Variants in PARD3B observed in about 807,000 individuals in gnomAD.
The protein encoded by PARD3B is par-3 family cell polarity regulator beta.
Under a neutral mutation model 130.2 loss-of-function variants are expected in PARD3B, and 103 were observed. That is an observed-to-expected ratio of 0.79 (90% CI 0.67 to 0.93). The LOEUF is 0.93. PARD3B is among the 40% of genes least tolerant of loss of function. The probability of loss-of-function intolerance (pLI) is 0.00; values close to 1 mark genes in which losing one functional copy is unlikely to be tolerated. For missense variants in PARD3B, 1,609 were observed against 1,499.2 expected (o/e 1.07, Z -1.21); for synonymous variants, 583 against 553.2 (o/e 1.05, Z -0.76).
rs1696572821 is a variant in PARD3B at position 205,021,209 on chromosome 2, C to G, written c.395-26372C>G. 6.6e-6 allele frequency among the ~76,000 whole-genome samples: 1 copy of G among 152,110 alleles called. No homozygotes were observed. Reference sequence around the variant, plus strand: ...ACTGGAAAGGATGTCCTGAAAAGCACTATTTTATATAGTTTGGTAGAAATA... The same window carrying G: ...ACTGGAAAGGATGTCCTGAAAAGCAGTATTTTATATAGTTTGGTAGAAATA... On this transcript the variant is annotated intron_variant, in intron 3 of 22. Coordinates refer to ENST00000406610, the MANE Select transcript of PARD3B (RefSeq NM_001302769.2). The surrounding 1 kb of genome is among the most constrained non-coding windows in gnomAD (Gnocchi z 4.5).
intron 2 of PARD3B, among the ~76,000 whole-genome samples, chr2:204,840,897 G>A (rs1452082162): frequency 6.6e-6 from 1 of 152,114 alleles, no homozygotes; most frequent in Non-Finnish European, 1.5e-5. Context: ...TTTATTGTAT[G>A]TAAGTATAGG....
rs535573336 is a variant in PARD3B, at chr2:205,301,331, AC to A, written c.2393-132del. The A allele has an allele frequency of 3.3e-5, 47 of 1,443,068 alleles. No homozygotes were observed. The highest frequency in any genetic ancestry group is 4.3e-5 in the African/African-American group (3 of 70,042). The allele number at this position is 1,443,068 out of a possible 1,614,324, so 89.4% of individuals were successfully genotyped here. A position where few individuals can be genotyped will look rare whatever the true frequency, so the allele number is the denominator to read the frequency against. Reference sequence around the variant, plus strand: ...AGGCAGTCAGATCTTCAAAGGGCGCACGTAACCACATAGAAGGGTAGAACTA... The same window carrying A: ...AGGCAGTCAGATCTTCAAAGGGCGCAGTAACCACATAGAAGGGTAGAACTA... On this transcript the variant is annotated intron_variant, in intron 17 of 22. Transcript: ENST00000406610. This position sits in a 1 kb window ranked among gnomAD's most constrained non-coding sequence, Gnocchi z 5.2.
rs115015980 is a variant in PARD3B at position 205,423,653 on chromosome 2, C to T, written c.2742-16717C>T. ...GCAACCCTATTCACAATAGGGTTCA[C>T]GACATGGAATAATATTCACAACATG... is the stretch of plus-strand genomic sequence containing the variant. On this transcript the variant is annotated intron_variant, in intron 19 of 22. Coordinates refer to ENST00000406610, the MANE Select transcript of PARD3B (RefSeq NM_001302769.2). Among the ~76,000 whole-genome samples, 844 of 152,116 alleles carry T rather than the reference C, an allele frequency of 5.5e-3. 6 individuals carry two copies. Among genetic ancestry groups the T allele is most frequent in the Non-Finnish European group, 9.5e-3 (646 of 67,998 alleles).
At chr2:205,008,771 C>A in intron 3 of PARD3B, among the ~76,000 whole-genome samples, 1 of 152,160 alleles carries the variant, frequency 6.6e-6, no homozygotes, top group East Asian at 1.9e-4. Flanking sequence ...TAATATTCTA[C>A]ATACATTATT....
At chr2:205,328,334 G>A (rs1227479347) in intron 18 of PARD3B, among the ~76,000 whole-genome samples, 1 of 152,022 alleles carries the variant, frequency 6.6e-6, no homozygotes, top group Non-Finnish European at 1.5e-5. Context: ...TAATGTTATG[G>A]TAATAACTGC....
At chr2:205,173,256 TAA>T (rs2035278592) in intron 12 of PARD3B, among the ~76,000 whole-genome samples, 1 of 152,204 alleles carries the variant, frequency 6.6e-6, no homozygotes, top group Non-Finnish European at 1.5e-5. Context: ...GAGTTCAGCG[TAA>T]TAATTGAAAA....
chr2:204,932,084 T>G (rs1688077112), intron 2 of PARD3B, among the ~76,000 whole-genome samples: 2 of 152,076 alleles, frequency 1.3e-5, no homozygotes, highest in Admixed American at 6.6e-5. Flanking sequence ...AGCTACACAT[T>G]TGGTATTATC....
At chr2:204,642,295 A>T (rs563427530) in intron 1 of PARD3B, among the ~76,000 whole-genome samples, 1 of 152,214 alleles carries the variant, frequency 6.6e-6, no homozygotes, top group Non-Finnish European at 1.5e-5. Context: ...AAGCTGTGTC[A>T]CTAGAGTATC....
chr2:205,134,383 G>T (rs977799358), intron 10 of PARD3B, among the ~76,000 whole-genome samples: 5 of 150,160 alleles, frequency 3.3e-5, no homozygotes, highest in Non-Finnish European at 1.5e-5. Flanking sequence ...AATTAGCCAG[G>T]CATGGTGGCA....
chr2:204,877,273 G>A (rs2125660506), intron 2 of PARD3B, among the ~76,000 whole-genome samples: 1 of 152,250 alleles, frequency 6.6e-6, no homozygotes, highest in South Asian at 2.1e-4. Flanking sequence ...GTGAGGGATA[G>A]CATTAGGAGA....
chr2:205,218,760 G>C (rs1353574402), intron 15 of PARD3B, among the ~76,000 whole-genome samples: 10 of 151,984 alleles, frequency 6.6e-5, no homozygotes, highest in Non-Finnish European at 1.5e-5. Context: ...AGAAATCTCT[G>C]GTCTTAGGAA....
intron 1 of PARD3B, among the ~76,000 whole-genome samples, chr2:204,562,240 C>A (rs1471289795): frequency 1.3e-5 from 2 of 152,118 alleles, no homozygotes; most frequent in South Asian, 2.1e-4. Flanking sequence ...AGTAAAAAAA[C>A]CACTGGAGCT....
chr2:204,567,162 G>A (rs1279902815), intron 1 of PARD3B, among the ~76,000 whole-genome samples: 2 of 152,184 alleles, frequency 1.3e-5, no homozygotes, highest in Non-Finnish European at 2.9e-5. Flanking sequence ...TTACAGGCTT[G>A]AGCCACTGTG....
chr2:204,695,478 C>G (rs1000687420), intron 2 of PARD3B, among the ~76,000 whole-genome samples: 2 of 151,926 alleles, frequency 1.3e-5, no homozygotes, highest in African/African-American at 4.8e-5. Flanking sequence ...TTCACTAAAG[C>G]AGTATTGTAG....
chr2:205,203,926 T>C (rs2037136572), intron 15 of PARD3B, among the ~76,000 whole-genome samples: 1 of 152,224 alleles, frequency 6.6e-6, no homozygotes, highest in Admixed American at 6.5e-5. Context: ...TGTACATGTC[T>C]CTTCAGAGTA....
At chr2:205,605,782 G>A (rs1426896172) in intron 22 of PARD3B, among the ~76,000 whole-genome samples, 2 of 152,256 alleles carry the variant, frequency 1.3e-5, no homozygotes, top group African/African-American at 4.8e-5. Flanking sequence ...GGCGAAGGGA[G>A]TGTGCTGCAC....
intron 2 of PARD3B, among the ~76,000 whole-genome samples, chr2:204,843,546 C>T (rs1156338689): frequency 6.6e-6 from 1 of 152,092 alleles, no homozygotes; most frequent in African/African-American, 2.4e-5. Flanking sequence ...CACACCATCA[C>T]ACCTGGCTAA....
chr2:205,104,379 A>T, intron 4 of PARD3B, 47 bp from the exon 5 acceptor site: 1 of 1,355,154 alleles, frequency 7.4e-7, no homozygotes, highest in Non-Finnish European at 1.1e-6. Flanking sequence ...CAGATTTTCA[A>T]TTCAATATGC....
intron 2 of PARD3B, among the ~76,000 whole-genome samples, chr2:204,692,501 CTT>C (rs5837933): frequency 0.047 from 7,016 of 149,164 alleles, 448 homozygotes; most frequent in East Asian, 0.14. Flanking sequence ...AGTTAAACAG[CTT>C]TTTTTTTTTT....
Sources: gnomAD v4.1 joint callset for allele counts (sites outside exome capture counted in the v4.1 genomes callset) on GRCh38, gnomAD v4.1.1 for gene constraint, Gnocchi (gnomAD v3.1) non-coding constraint, MANE v1.5 for transcripts, NCBI Gene and HGNC (gene_info 2026-07-23, HGNC 2026-07-21) for gene names.